C19orf33: variants seen among roughly 807,000 people sequenced by gnomAD.
The protein encoded by C19orf33 is chromosome 19 open reading frame 33, also known as immortalization up-regulated protein.
A neutral mutation model predicts 9.7 loss-of-function variants in C19orf33; 9 were observed. The ratio of observed to expected loss-of-function variants is 0.93; its 90% CI spans 0.56 to 1.61. The LOEUF (loss-of-function observed/expected upper bound fraction) is 1.61, where lower values mean the gene tolerates loss of function less well. Among genes scored for constraint, C19orf33 ranks in the 40% most tolerant of loss-of-function variants. The pLI is 0.00. For synonymous variants in C19orf33, 61 were observed against 54.8 expected (o/e 1.11, Z -0.50); for missense variants, 145 against 137.9 (o/e 1.05, Z -0.26).
In C19orf33 at chr19:38,304,684, A is replaced by T; in HGVS notation, c.199A>T (p.Lys67Ter). The change falls in exon 3 of 4, where the codon AAG becomes TAG. Residue 67 changes from lysine to a stop codon, truncating the protein, a stop_gained and splice_region_variant. Coordinates refer to ENST00000301246, the MANE Select transcript of C19orf33 (RefSeq NM_033520.3). LOFTEE classifies it low-confidence loss of function (END_TRUNC). ...SSSSDSDTDV[K>*]SHAAGSKQHE... ...CTCCAGCGATTCGGACACGGATGTG[A>T]AGGTAAGGGGCTCTCGCCAGCGTCC... The T allele has an allele frequency of 1.9e-6, 3 of 1,613,614 alleles. No homozygotes were observed. Among genetic ancestry groups the T allele is most frequent in the Non-Finnish European group, 2.5e-6 (3 of 1,179,972 alleles).
At chr19:38,304,576 C>G in intron 2 of C19orf33, 48 bp from the exon 3 acceptor site, 4 of 1,610,616 alleles carry the variant, frequency 2.5e-6, no homozygotes, top group Non-Finnish European at 3.4e-6. Context: ...CCTCCAACTT[C>G]AGGGGGCTGG....
chr19:38,304,577 A>T, intron 2 of C19orf33, 47 bp from the exon 3 acceptor site: 1 of 1,610,668 alleles, frequency 6.2e-7, no homozygotes, highest in Non-Finnish European at 8.5e-7. Context: ...CTCCAACTTC[A>T]GGGGGCTGGG....
At position 38,304,565 on chromosome 19, in the gene C19orf33, G is replaced by A. The variant is rs777622431; in HGVS notation, c.139-59G>A. ...CCCTGACCCCAGGGTCCTGCCTTAG[G>A]CCTCCAACTTCAGGGGGCTGGGTAA... is the stretch of plus-strand genomic sequence containing the variant. On this transcript the variant is annotated intron_variant, in intron 2 of 3. Transcript: ENST00000301246. 9 of 1,606,614 alleles carry A rather than the reference G, an allele frequency of 5.6e-6. No homozygotes were observed. The Admixed American group carries it at 1.5e-4, about 27-fold the overall frequency.
chr19:38,304,672 G>C lies in C19orf33; in HGVS notation c.187G>C (p.Asp63His). 1 of 1,613,670 alleles carries C rather than the reference G, an allele frequency of 6.2e-7. No individual in the cohort carries two copies. Residue 63 changes from aspartate (D) to histidine (H), a missense_variant, in exon 3 of 4, where the codon GAC becomes CAC. Coordinates refer to ENST00000301246, the MANE Select transcript of C19orf33 (RefSeq NM_033520.3). ...SDSSSSSSDS[D>H]TDVKSHAAGS... Reference sequence around the variant, plus strand: ...CTCCAGCAGCAGCTCCAGCGATTCGGACACGGATGTGAAGGTAAGGGGCTC... The same window carrying C: ...CTCCAGCAGCAGCTCCAGCGATTCGCACACGGATGTGAAGGTAAGGGGCTC...
chr19:38,304,910 G>GAGGAAGGAGAAGGGC lies in C19orf33; in HGVS notation c.268_269insGGAAGGAGAAGGGCA (p.Lys89_Lys90insArgLysGluLysGly), dbSNP rs1555718994. ...GCAAGGCCAAGAAGCCCAAAGTGAAGAAGAAGGAGAAGGGCAAGAAGGAGA... is the reference window on the plus strand; with the variant it reads ...GCAAGGCCAAGAAGCCCAAAGTGAAGAGGAAGGAGAAGGGCAAGAAGGAGAAGGGCAAGAAGGAGA... On this transcript the variant is annotated inframe_insertion, in exon 4 of 4. Transcript: ENST00000301246. The GAGGAAGGAGAAGGGC allele has an allele frequency of 7.6e-6, 12 of 1,571,408 alleles. No individual in the cohort carries two copies. The East Asian group carries it at 2.5e-4, about 33-fold the overall frequency.
At position 38,304,954 on chromosome 19, in the gene C19orf33, C is replaced by T; in HGVS notation, c.311C>T (p.Ala104Val). ...GKKEKGKKKE[A>V]PH Reference sequence around the variant, plus strand: ...AAGGAGAAGGGCAAGAAGAAGGAGGCTCCCCACTGAAGGGCCCTGGACAGG... The same window carrying T: ...AAGGAGAAGGGCAAGAAGAAGGAGGTTCCCCACTGAAGGGCCCTGGACAGG... The change falls in exon 4 of 4, where the codon GCT becomes GTT. Residue 104 changes from alanine to valine, a missense_variant. Physicochemically the swap from Ala to Val is moderately conservative, Grantham distance 64. Transcript: ENST00000301246. 6.6e-7 allele frequency: 1 copy of T among 1,510,136 alleles called. No homozygotes were observed. 93.5% of individuals were successfully genotyped at this position (1,510,136 alleles called of 1,614,324 possible). A position where few individuals can be genotyped will look rare whatever the true frequency, so the allele number is the denominator to read the frequency against.
In C19orf33 at chr19:38,304,496, T is replaced by C; in HGVS notation, c.138+6T>C. 1 of 1,557,444 alleles carries C rather than the reference T, an allele frequency of 6.4e-7. No homozygotes were observed. The highest frequency in any genetic ancestry group is 8.7e-7 in the Non-Finnish European group (1 of 1,150,812). On this transcript the variant is annotated splice_donor_region_variant and intron_variant, in intron 2 of 3. Coordinates refer to ENST00000301246, the MANE Select transcript of C19orf33 (RefSeq NM_033520.3). ...GGGCAGGTCCGGGTCCAAAGGTAAG[T>C]CGCCTCATCACCGGCTGCGGAGGGG...
At chr19:38,304,334 C>T (rs117478214) in intron 1 of C19orf33, 41 bp from the exon 2 acceptor site, 52,207 of 1,611,584 alleles carry the variant, frequency 0.032, 1,016 homozygotes, top group Non-Finnish European at 0.038. Context: ...GGACTCAAGC[C>T]CAGAAGCTGC....
Position 38,304,695 on chromosome 19 carries a change from C to A in C19orf33, c.201+9C>A. 1 of 1,613,672 alleles carries A rather than the reference C, an allele frequency of 6.2e-7. No homozygotes were observed. The highest frequency in any genetic ancestry group is 1.1e-5 in the South Asian group (1 of 91,086). On this transcript the variant is annotated intron_variant, in intron 3 of 3. Transcript: ENST00000301246. ...CGGACACGGATGTGAAGGTAAGGGG[C>A]TCTCGCCAGCGTCCCCAAGCACGTG...
intron 1 of C19orf33, 27 bp downstream of exon 1, chr19:38,304,310 A>C: frequency 6.2e-7 from 1 of 1,613,598 alleles, no homozygotes; most frequent in Non-Finnish European, 8.5e-7. Flanking sequence ...TGTGGACTGG[A>C]GGTGCAGGGG....
intron 3 of C19orf33, 51 bp downstream of exon 3, chr19:38,304,737 G>C: frequency 6.2e-7 from 1 of 1,613,004 alleles, no homozygotes; most frequent in Non-Finnish European, 8.5e-7. Context: ...ACCCCAGAGA[G>C]GCGTCCCCGC....
chr19:38,304,521 G>C (rs1351078165), intron 2 of C19orf33, 31 bp downstream of exon 2: 2 of 1,567,284 alleles, frequency 1.3e-6, no homozygotes, highest in Non-Finnish European at 1.7e-6. Flanking sequence ...CTGCGGAGGG[G>C]CGGGAAGGCT....
Position 38,304,894 on chromosome 19 carries a change from A to G in C19orf33, c.251A>G (p.Lys84Arg). The change falls in exon 4 of 4, where the codon AAG becomes AGG. Residue 84 changes from lysine to arginine, a missense_variant. Physicochemically the swap from Lys to Arg is conservative, Grantham distance 26 (BLOSUM62 2). Transcript: ENST00000301246. ...CACGAGAGCATCCCGGGCAAGGCCA[A>G]GAAGCCCAAAGTGAAGAAGAAGGAG... is the stretch of plus-strand genomic sequence containing the variant. ...KQHESIPGKA[K>R]KPKVKKKEKG... 6.2e-7 allele frequency: 1 copy of G among 1,611,786 alleles called. No individual in the cohort carries two copies. The highest frequency in any genetic ancestry group is 8.5e-7 in the Non-Finnish European group (1 of 1,179,244).
intron 1 of C19orf33, 31 bp from the exon 2 acceptor site, chr19:38,304,344 C>A (rs1330675047): frequency 6.2e-7 from 1 of 1,608,930 alleles, no homozygotes; most frequent in Non-Finnish European, 8.5e-7. Flanking sequence ...CCAGAAGCTG[C>A]CTGCACCAAC....
chr19:38,304,377 C>G lies in C19orf33; in HGVS notation c.25C>G (p.Leu9Val). Residue 9 changes from leucine (L) to valine (V), a missense_variant and splice_region_variant, in exon 2 of 4, where the codon CTG becomes GTG. Transcript: ENST00000301246. Reference protein sequence around the residue: MEFDLGAALEPTSQKPGVG... With the variant: MEFDLGAAVEPTSQKPGVG... Reference sequence around the variant, plus strand: ...AACCACCCAACTTCTCTCCACAGCCCTGGAGCCCACCTCCCAGAAGCCCGG... The same window carrying G: ...AACCACCCAACTTCTCTCCACAGCCGTGGAGCCCACCTCCCAGAAGCCCGG... The G allele has an allele frequency of 6.3e-7, 1 of 1,587,048 alleles. No individual in the cohort carries two copies. The highest frequency in any genetic ancestry group is 8.6e-7 in the Non-Finnish European group (1 of 1,167,694).
At chr19:38,304,777 T>A in intron 3 of C19orf33, 68 bp from the exon 4 acceptor site, 1 of 1,610,284 alleles carries the variant, frequency 6.2e-7, no homozygotes, top group Non-Finnish European at 8.5e-7. Context: ...GTGCGGGGAG[T>A]GGTCCCCCTG....
At position 38,304,999 on chromosome 19, in the gene C19orf33, C is replaced by T; in HGVS notation, c.*35C>T. On this transcript the variant is annotated 3_prime_UTR_variant, in exon 4 of 4. Transcript: ENST00000301246. ...GACAGGGCTCATTAAACCTTCCTCT[C>T]TGCCTTCTGCGACTGGTCAGCGTGG... 1 of 1,564,790 alleles carries T rather than the reference C, an allele frequency of 6.4e-7. No homozygotes were observed. The highest frequency in any genetic ancestry group is 8.7e-7 in the Non-Finnish European group (1 of 1,154,882).
At chr19:38,304,329 C>G (rs942655454) in intron 1 of C19orf33, 46 bp downstream of exon 1, 1 of 1,612,648 alleles carries the variant, frequency 6.2e-7, no homozygotes, top group Non-Finnish European at 8.5e-7. Flanking sequence ...GGGCCGGACT[C>G]AAGCCCAGAA....
At chr19:38,304,800 C>T (rs1968919167) in intron 3 of C19orf33, 45 bp from the exon 4 acceptor site, 1 of 1,613,416 alleles carries the variant, frequency 6.2e-7, no homozygotes, top group Non-Finnish European at 8.5e-7. Flanking sequence ...TCGCTTCCAG[C>T]CCAGAACCAT....
Sources: gnomAD v4.1 joint callset for allele counts on GRCh38, gnomAD v4.1.1 for gene constraint, MANE v1.5 for transcripts, NCBI Gene and HGNC (gene_info 2026-07-23, HGNC 2026-07-21) for gene names.